B3GLCT: variants seen among roughly 807,000 people sequenced by gnomAD.
B3GLCT encodes the protein beta 3-glucosyltransferase.
B3GLCT carries 65 observed loss-of-function variants against 63.4 expected under a neutral mutation model. The observed-to-expected ratio is 1.03, with a 90% CI of 0.84 to 1.26. The LOEUF is 1.26. Ranked by LOEUF, B3GLCT falls within the 50% of genes most tolerant of loss-of-function variation. The probability of loss-of-function intolerance (pLI) is 0.00; values close to 1 mark genes in which losing one functional copy is unlikely to be tolerated. For missense variants in B3GLCT, 577 were observed against 604.8 expected (o/e 0.95, Z 0.48); for synonymous variants, 233 against 219.2 (o/e 1.06, Z -0.55).
chr13:31,250,751 G>A (rs954103046), intron 6 of B3GLCT, among the ~76,000 whole-genome samples: 3 of 152,226 alleles, frequency 2.0e-5, no homozygotes, highest in African/African-American at 7.2e-5. Context: ...CCCTGGGACA[G>A]AGAACCTGGG....
chr13:31,219,086 A>G (rs368528778), intron 2 of B3GLCT, among the ~76,000 whole-genome samples: 6 of 152,030 alleles, frequency 3.9e-5, no homozygotes, highest in South Asian at 4.1e-4. Flanking sequence ...CTGCTCCCTA[A>G]CTCATTCTGT....
intron 12 of B3GLCT, among the ~76,000 whole-genome samples, chr13:31,304,491 AG>A (rs1874342660): frequency 1.3e-5 from 1 of 78,644 alleles, no homozygotes; most frequent in Non-Finnish European, 2.5e-5. Context: ...AGATCTACCA[AG>A]CCAATGGAAA....
intron 1 of B3GLCT, among the ~76,000 whole-genome samples, chr13:31,212,280 T>A (rs951906881): frequency 6.8e-6 from 1 of 147,764 alleles, no homozygotes; most frequent in South Asian, 2.2e-4. Context: ...TTTTTTTTTT[T>A]TTTTTTTTTT....
chr13:31,204,919 GAGGAGGACC>G (rs1447787250), intron 1 of B3GLCT, among the ~76,000 whole-genome samples: 4 of 152,188 alleles, frequency 2.6e-5, no homozygotes, highest in African/African-American at 9.7e-5. Context: ...GGCACTGAAG[GAGGAGGACC>G]AGGTTTTTAA....
At chr13:31,283,309 A>G (rs1873159772) in intron 10 of B3GLCT, 1 of 152,238 alleles carries the variant, frequency 6.6e-6, no homozygotes, top group East Asian at 1.9e-4. Flanking sequence ...TTTCTGGGGT[A>G]AGTTCTCTTG....
chr13:31,222,879 C>T, intron 2 of B3GLCT, 73 bp from the exon 3 acceptor site: 1 of 977,846 alleles, frequency 1.0e-6, no homozygotes, highest in Non-Finnish European at 1.7e-6. Context: ...ATGCACCATG[C>T]ATGTTTACTC....
chr13:31,217,822 G>T lies in B3GLCT; in HGVS notation c.120+2722G>T, dbSNP rs138806301. Among the ~76,000 whole-genome samples, 293 of 152,302 alleles carry T rather than the reference G, an allele frequency of 1.9e-3. 7 individuals are homozygous for T. In the East Asian group the frequency reaches 0.038, roughly 20 times the overall value. ...TTTCTGTAGAAGTACCATGCTGTTT[G>T]GTTACTGTAGCCTTGAAATATAGTT... On this transcript the variant is annotated intron_variant, in intron 2 of 14. Transcript: ENST00000343307.
intron 12 of B3GLCT, among the ~76,000 whole-genome samples, chr13:31,301,798 C>T (rs1874234618): frequency 6.6e-6 from 1 of 152,194 alleles, no homozygotes; most frequent in Non-Finnish European, 1.5e-5. Context: ...GGTTTGGGCC[C>T]TTAAATGTTG....
chr13:31,228,479 C>T (rs1870212700), intron 3 of B3GLCT, among the ~76,000 whole-genome samples: 6 of 152,170 alleles, frequency 3.9e-5, no homozygotes, highest in Admixed American at 3.3e-4. Context: ...AGAAGTCTGA[C>T]ATCAAGGTGT....
At chr13:31,257,063 A>AT (rs1290621579) in intron 6 of B3GLCT, among the ~76,000 whole-genome samples, 1 of 152,148 alleles carries the variant, frequency 6.6e-6, no homozygotes, top group African/African-American at 2.4e-5. Context: ...TTCTATAATA[A>AT]TTTTTTTAAA....
intron 11 of B3GLCT, among the ~76,000 whole-genome samples, chr13:31,285,778 G>C (rs1593297284): frequency 1.3e-5 from 2 of 152,056 alleles, no homozygotes; most frequent in African/African-American, 4.8e-5. Flanking sequence ...GTGTATTACT[G>C]AGTCTGTCTG....
chr13:31,299,160 C>A (rs1874101782), intron 12 of B3GLCT, among the ~76,000 whole-genome samples: 1 of 152,222 alleles, frequency 6.6e-6, no homozygotes, highest in South Asian at 2.1e-4. Flanking sequence ...AGTGGGCAGA[C>A]TCCTTTAGTC....
intron 10 of B3GLCT, among the ~76,000 whole-genome samples, chr13:31,282,492 A>G (rs942361787): frequency 2.6e-5 from 4 of 152,074 alleles, no homozygotes; most frequent in African/African-American, 7.2e-5. Flanking sequence ...TACAAAAAAA[A>G]TTAGCCGGGC....
chr13:31,265,928 A>T (rs1169240569), intron 7 of B3GLCT, among the ~76,000 whole-genome samples: 2 of 151,906 alleles, frequency 1.3e-5, no homozygotes, highest in Admixed American at 6.6e-5. Context: ...AGTTGAAAGG[A>T]CCCTCAGTCA....
Position 31,222,897 on chromosome 13 carries a change from T to C in B3GLCT, c.121-55T>C, listed in dbSNP as rs139243956. 71 of 1,185,836 alleles carry C rather than the reference T, an allele frequency of 6.0e-5. No individual in the cohort carries two copies. The Middle Eastern group carries it at 7.7e-4, about 13-fold the overall frequency. 73.5% of individuals were successfully genotyped at this position (1,185,836 alleles called of 1,614,324 possible). A position where few individuals can be genotyped will look rare whatever the true frequency, so the allele number is the denominator to read the frequency against. Reference sequence around the variant, plus strand: ...CACCATGCATGTTTACTCAGTGTACTGCTGGCTTTGTTATGTACTGAGATT... The same window carrying C: ...CACCATGCATGTTTACTCAGTGTACCGCTGGCTTTGTTATGTACTGAGATT... On this transcript the variant is annotated intron_variant, in intron 2 of 14. Transcript: ENST00000343307.
At chr13:31,259,602 C>T (rs1297567623) in intron 6 of B3GLCT, among the ~76,000 whole-genome samples, 2 of 151,632 alleles carry the variant, frequency 1.3e-5, no homozygotes, top group Non-Finnish European at 2.9e-5. Flanking sequence ...CATGCGGCAT[C>T]TTGGGACCCC....
chr13:31,213,019 T>TGTGTGTGTGTGTGTGTGCACGCATGCGC (rs1869352357), intron 1 of B3GLCT, among the ~76,000 whole-genome samples: 2 of 146,126 alleles, frequency 1.4e-5, no homozygotes, highest in Admixed American at 1.3e-4. Context: ...GATTGGGCTT[T>TGTGTGTGTGTGTGTGTGCACGCATGCGC]GTGTGTGTGT....
intron 14 of B3GLCT, among the ~76,000 whole-genome samples, chr13:31,325,883 C>T (rs1314325062): frequency 6.6e-6 from 1 of 152,182 alleles, no homozygotes; most frequent in African/African-American, 2.4e-5. Context: ...TGCAAAATTG[C>T]CTGGGCCGTC....
At chr13:31,211,997 C>T (rs1421338966) in intron 1 of B3GLCT, among the ~76,000 whole-genome samples, 1 of 152,102 alleles carries the variant, frequency 6.6e-6, no homozygotes, top group Non-Finnish European at 1.5e-5. Context: ...TGCTACTGGA[C>T]CTGTTACATT....
Sources: gnomAD v4.1 joint callset for allele counts (sites outside exome capture counted in the v4.1 genomes callset) on GRCh38, gnomAD v4.1.1 for gene constraint, MANE v1.5 for transcripts, NCBI Gene and HGNC (gene_info 2026-07-23, HGNC 2026-07-21) for gene names.